Variants in C12orf54 observed in about 807,000 individuals in gnomAD.
The protein encoded by C12orf54 is uncharacterized protein C12orf54.
In C12orf54, 24 loss-of-function variants were observed where a neutral mutation model predicts 26.4. The observed-to-expected ratio is 0.91, with a 90% CI of 0.66 to 1.28. The LOEUF (loss-of-function observed/expected upper bound fraction) is 1.28, where lower values mean the gene tolerates loss of function less well. Ranked by LOEUF, C12orf54 falls within the 50% of genes most tolerant of loss-of-function variation. The pLI, the probability that C12orf54 is intolerant of heterozygous loss-of-function variation, is 0.00. For missense variants in C12orf54, 154 were observed against 150.9 expected, an observed-to-expected ratio of 1.02 and a Z score of -0.11; for synonymous variants, 54 against 47.0, an observed-to-expected ratio of 1.15 and a Z score of -0.61.
the C12orf54 span, among the ~76,000 whole-genome samples, chr12:48,446,866 G>C: frequency 3.3e-5 from 5 of 152,132 alleles, no homozygotes; most frequent in Non-Finnish European, 7.4e-5. Flanking sequence ...CTGAAACTGA[G>C]ATTTCAGTGG....
chr12:48,452,096 T>C, the C12orf54 span, among the ~76,000 whole-genome samples: 1 of 152,148 alleles, frequency 6.6e-6, no homozygotes, highest in Non-Finnish European at 1.5e-5. Context: ...ACTGCAGGGA[T>C]ACAGTAACCA....
the C12orf54 span, among the ~76,000 whole-genome samples, chr12:48,415,759 C>T: frequency 4.6e-5 from 7 of 152,032 alleles, no homozygotes; most frequent in Non-Finnish European, 1.0e-4. Context: ...ATATATTAGC[C>T]CTGACCATTT....
chr12:48,448,630 T>A, the C12orf54 span, among the ~76,000 whole-genome samples: 4 of 152,220 alleles, frequency 2.6e-5, no homozygotes, highest in Non-Finnish European at 5.9e-5. Flanking sequence ...TCTCTCTCTT[T>A]CCCGTTGTTA....
upstream of C12orf54, among the ~76,000 whole-genome samples, chr12:48,481,413 A>G (rs1038145965): frequency 7.9e-5 from 12 of 152,128 alleles, no homozygotes; most frequent in African/African-American, 2.7e-4. Flanking sequence ...CTGGTCTCTT[A>G]GAGGGTGGGA....
the C12orf54 span, among the ~76,000 whole-genome samples, chr12:48,465,257 T>G: frequency 1.3e-5 from 2 of 152,066 alleles, no homozygotes; most frequent in African/African-American, 4.8e-5. Flanking sequence ...GCAAGGGACA[T>G]GAACAGACAT....
chr12:48,459,830 A>G, the C12orf54 span, among the ~76,000 whole-genome samples: 1 of 152,202 alleles, frequency 6.6e-6, no homozygotes, highest in Admixed American at 6.5e-5. Flanking sequence ...TTCTCCAGGC[A>G]GTGATGTGTG....
the C12orf54 span, among the ~76,000 whole-genome samples, chr12:48,417,635 G>T: frequency 1.3e-5 from 2 of 152,078 alleles, no homozygotes; most frequent in African/African-American, 4.8e-5. Flanking sequence ...TCTTACAAGG[G>T]TATATTGTGT....
At chr12:48,471,533 A>C in the C12orf54 span, among the ~76,000 whole-genome samples, 2 of 152,332 alleles carry the variant, frequency 1.3e-5, no homozygotes, top group African/African-American at 4.8e-5. Flanking sequence ...GGTGAAAGGT[A>C]AGGGTCTGGT....
chr12:48,466,192 A>G, the C12orf54 span, among the ~76,000 whole-genome samples: 1 of 152,228 alleles, frequency 6.6e-6, no homozygotes, highest in East Asian at 1.9e-4. Context: ...TATTATTATA[A>G]TACAAGAAAC....
At chr12:48,462,780 C>T in the C12orf54 span, among the ~76,000 whole-genome samples, 2 of 151,798 alleles carry the variant, frequency 1.3e-5, no homozygotes, top group African/African-American at 4.8e-5. Flanking sequence ...AGAAGTATAT[C>T]TATAACATAA....
upstream of C12orf54, among the ~76,000 whole-genome samples, chr12:48,480,221 A>G (rs990512593): frequency 6.6e-6 from 1 of 152,226 alleles, no homozygotes; most frequent in Admixed American, 6.5e-5. Flanking sequence ...GTTGAAACTC[A>G]GGAATGTATA....
chr12:48,478,780 G>C (rs1003958356), upstream of C12orf54, among the ~76,000 whole-genome samples: 36 of 152,158 alleles, frequency 2.4e-4, no homozygotes, highest in Non-Finnish European at 4.4e-4. Flanking sequence ...CACCATCACT[G>C]TGCATCAGAG....
At chr12:48,440,831 C>T in the C12orf54 span, among the ~76,000 whole-genome samples, 2 of 152,110 alleles carry the variant, frequency 1.3e-5, no homozygotes, top group Non-Finnish European at 2.9e-5. Flanking sequence ...TCTTTTAGGG[C>T]CTTTCCTTGC....
At chr12:48,472,936 T>C in the C12orf54 span, 3 of 1,614,148 alleles carry the variant, frequency 1.9e-6, no homozygotes, top group East Asian at 2.2e-5. Flanking sequence ...CCAAACCTCA[T>C]ACATCTAAAT....
the C12orf54 span, among the ~76,000 whole-genome samples, chr12:48,429,245 T>C: frequency 1.3e-5 from 2 of 152,138 alleles, no homozygotes; most frequent in African/African-American, 4.8e-5. Context: ...GCATTCCCTC[T>C]GAGAATGGGA....
At chr12:48,425,317 A>G in the C12orf54 span, among the ~76,000 whole-genome samples, 1 of 152,118 alleles carries the variant, frequency 6.6e-6, no homozygotes, top group African/African-American at 2.4e-5. Context: ...CCCATTTATA[A>G]GTGAAAACAT....
chr12:48,493,842 T>C (rs1042090866), intron 7 of C12orf54, among the ~76,000 whole-genome samples: 1 of 151,648 alleles, frequency 6.6e-6, no homozygotes, highest in Non-Finnish European at 1.5e-5. Context: ...TTTTCAATAG[T>C]GCAACTGAGA....
upstream of C12orf54, among the ~76,000 whole-genome samples, chr12:48,478,284 C>A (rs1053897108): frequency 2.6e-5 from 4 of 152,158 alleles, no homozygotes; most frequent in Non-Finnish European, 5.9e-5. Flanking sequence ...AACCCACAGC[C>A]AATATCATAC....
the C12orf54 span, among the ~76,000 whole-genome samples, chr12:48,454,969 T>A: frequency 6.6e-6 from 1 of 152,206 alleles, no homozygotes; most frequent in African/African-American, 2.4e-5. Context: ...TCCTTCCAAC[T>A]TTTAGGTTCA....
Sources: allele counts gnomAD v4.1 joint callset (sites outside exome capture counted in the v4.1 genomes callset), GRCh38; gene constraint gnomAD v4.1.1; transcripts MANE v1.5; gene names NCBI Gene and HGNC (gene_info 2026-07-23, HGNC 2026-07-21).